Variants in ARNT2 observed in about 807,000 individuals in gnomAD.
The protein encoded by ARNT2 is aryl hydrocarbon receptor nuclear translocator 2.
Under a neutral mutation model 91.7 loss-of-function variants are expected in ARNT2, and 36 were observed. The observed-to-expected ratio is 0.39, with a 90% CI of 0.30 to 0.52. The LOEUF is 0.52. ARNT2 is among the 20% of genes least tolerant of loss of function. The pLI, the probability that ARNT2 is intolerant of heterozygous loss-of-function variation, is 0.72. For missense variants in ARNT2, 775 were observed against 939.3 expected (o/e 0.83, Z 2.29); for synonymous variants, 365 against 347.1 (o/e 1.05, Z -0.57).
In ARNT2 at chr15:80,597,428, C is replaced by G; in HGVS notation, c.*3730C>G. On this transcript the variant is annotated 3_prime_UTR_variant, in exon 19 of 19. Coordinates refer to ENST00000303329, the MANE Select transcript of ARNT2 (RefSeq NM_014862.4). Reference sequence around the variant, plus strand: ...GTCTCCTAACCTGCCGGGGTCATTCCCCACCAAACACCCCATACTAAGGAG... The same window carrying G: ...GTCTCCTAACCTGCCGGGGTCATTCGCCACCAAACACCCCATACTAAGGAG... The G allele has an allele frequency of 2.7e-6, 1 of 369,820 alleles. No individual in the cohort carries two copies. The highest frequency in any genetic ancestry group is 5.4e-6 in the Non-Finnish European group (1 of 184,880). 22.9% of individuals were successfully genotyped at this position (369,820 alleles called of 1,614,324 possible). A position where few individuals can be genotyped will look rare whatever the true frequency, so the allele number is the denominator to read the frequency against.
intron 1 of ARNT2, among the ~76,000 whole-genome samples, chr15:80,429,395 G>C (rs1046987638): frequency 6.6e-6 from 1 of 152,228 alleles, no homozygotes; most frequent in African/African-American, 2.4e-5. Flanking sequence ...TAAATGTTGG[G>C]ATTTAGGGAA....
chr15:80,541,903 A>C (rs967795190), intron 8 of ARNT2, among the ~76,000 whole-genome samples: 18 of 152,268 alleles, frequency 1.2e-4, no homozygotes, highest in African/African-American at 4.1e-4. Context: ...GCAGTCATCC[A>C]TCAAGACCCT....
chr15:80,412,894 C>G (rs1180474678), intron 1 of ARNT2, among the ~76,000 whole-genome samples: 2 of 152,258 alleles, frequency 1.3e-5, no homozygotes, highest in East Asian at 3.9e-4. Flanking sequence ...ATCTGGAGTC[C>G]CCAGCAGGTA....
chr15:80,422,586 G>A (rs999847296), intron 1 of ARNT2, among the ~76,000 whole-genome samples: 2 of 152,274 alleles, frequency 1.3e-5, no homozygotes, highest in African/African-American at 2.4e-5. Flanking sequence ...GTAAGTGACC[G>A]CAAATGGAAG....
At chr15:80,527,666 A>C (rs1276763429) in intron 8 of ARNT2, among the ~76,000 whole-genome samples, 1 of 152,260 alleles carries the variant, frequency 6.6e-6, no homozygotes, top group East Asian at 1.9e-4. Context: ...CTAATGAGGT[A>C]CAGTCACTCT....
chr15:80,422,365 T>C (rs992679721), intron 1 of ARNT2, among the ~76,000 whole-genome samples: 16 of 152,224 alleles, frequency 1.1e-4, no homozygotes, highest in African/African-American at 3.4e-4. Context: ...AGCAATTAGA[T>C]TGATGAATGA....
intron 8 of ARNT2, among the ~76,000 whole-genome samples, chr15:80,544,784 T>C (rs1356507913): frequency 6.6e-6 from 1 of 152,220 alleles, no homozygotes; most frequent in Non-Finnish European, 1.5e-5. Context: ...AGAGGCAAAC[T>C]ATTTTTGTAG....
intron 3 of ARNT2, among the ~76,000 whole-genome samples, chr15:80,464,463 G>A (rs539372767): frequency 6.6e-6 from 1 of 152,300 alleles, no homozygotes; most frequent in Admixed American, 6.5e-5. Context: ...CCCTGCTTGG[G>A]AGGATCTGGG....
chr15:80,555,098 C>A lies in ARNT2; in HGVS notation c.1123C>A (p.His375Asn). 1 of 1,614,180 alleles carries A rather than the reference C, an allele frequency of 6.2e-7. No homozygotes were observed. Among genetic ancestry groups the A allele is most frequent in the Non-Finnish European group, 8.5e-7 (1 of 1,180,024 alleles). ...GGGAAAGGACATTTTGGAATTCTGC[C>A]ACCCTGAGGATCAAAGCCATCTGCG... Reference protein sequence around the residue: ...LLGKDILEFCHPEDQSHLRES... With the variant: ...LLGKDILEFCNPEDQSHLRES... Residue 375 changes from histidine to asparagine, a missense_variant, in exon 11 of 19, where the codon CAC (histidine) becomes AAC (asparagine). Physicochemically the swap from His to Asn is moderately conservative, Grantham distance 68. Transcript: ENST00000303329.
chr15:80,530,275 C>T lies in ARNT2; in HGVS notation c.877+15870C>T, dbSNP rs1044613468. ...GCTGACCAAGGTTCACTTGTCTGTA[C>T]ATGAGGACCAAGGCTGACGGTGGGA... On this transcript the variant is annotated intron_variant, in intron 8 of 18. Coordinates refer to ENST00000303329, the MANE Select transcript of ARNT2 (RefSeq NM_014862.4). Among the ~76,000 whole-genome samples, 3 of 152,194 alleles carry T rather than the reference C, an allele frequency of 2.0e-5. No homozygotes were observed. In the East Asian group the frequency reaches 5.8e-4, roughly 29 times the overall value.
At chr15:80,499,620 G>C (rs780139958) in intron 5 of ARNT2, among the ~76,000 whole-genome samples, 2 of 152,188 alleles carry the variant, frequency 1.3e-5, no homozygotes, top group Non-Finnish European at 2.9e-5. Context: ...AGAGAAAAGA[G>C]GGGGAAAGGT....
intron 5 of ARNT2, 64 bp from the exon 6 acceptor site, chr15:80,508,092 A>T (rs1464789869): frequency 1.3e-6 from 2 of 1,521,102 alleles, no homozygotes; most frequent in Non-Finnish European, 9.1e-7. Context: ...CACTCCCCGA[A>T]CTCCCTCCTC....
intron 8 of ARNT2, among the ~76,000 whole-genome samples, chr15:80,538,907 G>A (rs1024919862): frequency 1.3e-5 from 2 of 151,970 alleles, no homozygotes; most frequent in African/African-American, 4.8e-5. Context: ...AAGTTTAAAA[G>A]TTTATGAACA....
At chr15:80,576,561 G>A (rs1898678466) in intron 14 of ARNT2, among the ~76,000 whole-genome samples, 1 of 152,202 alleles carries the variant, frequency 6.6e-6, no homozygotes, top group South Asian at 2.1e-4. Context: ...ACAGGTGCAA[G>A]CCACCATGCC....
Position 80,482,340 on chromosome 15 carries a change from G to A in ARNT2, c.622+7117G>A, listed in dbSNP as rs188313057. Among the ~76,000 whole-genome samples, 7 of 152,284 alleles carry A rather than the reference G, an allele frequency of 4.6e-5. No individual in the cohort carries two copies. The East Asian group carries it at 5.8e-4, about 13-fold the overall frequency. Reference sequence around the variant, plus strand: ...TTGGGGAAGGGAGCTGGGCACTGGCGTTTTGTTAAACCTTCCCAGGTGATT... The same window carrying A: ...TTGGGGAAGGGAGCTGGGCACTGGCATTTTGTTAAACCTTCCCAGGTGATT... On this transcript the variant is annotated intron_variant, in intron 5 of 18. Transcript: ENST00000303329.
chr15:80,529,601 G>A (rs1458435741), intron 8 of ARNT2, among the ~76,000 whole-genome samples: 1 of 150,920 alleles, frequency 6.6e-6, no homozygotes, highest in African/African-American at 2.4e-5. Flanking sequence ...GTATAGGTCA[G>A]TTTTCCTTCA....
At chr15:80,558,369 C>T (rs1290922101) in intron 11 of ARNT2, among the ~76,000 whole-genome samples, 1 of 127,286 alleles carries the variant, frequency 7.9e-6, no homozygotes, top group Non-Finnish European at 1.6e-5. Context: ...CGGGGTCTTA[C>T]TCTGTTGCCC....
intron 1 of ARNT2, among the ~76,000 whole-genome samples, chr15:80,449,865 T>C (rs144451508): frequency 6.6e-6 from 1 of 152,348 alleles, no homozygotes; most frequent in African/African-American, 2.4e-5. Context: ...ATTCCTTATG[T>C]ATCCTGACCC....
chr15:80,551,126 A>G, intron 8 of ARNT2, 73 bp from the exon 9 acceptor site: 1 of 1,460,676 alleles, frequency 6.8e-7, no homozygotes, highest in Non-Finnish European at 9.5e-7. Context: ...GCTTAAATAA[A>G]ATCGTGGACA....
Sources: gnomAD v4.1 joint callset for allele counts (sites outside exome capture counted in the v4.1 genomes callset) on GRCh38, gnomAD v4.1.1 for gene constraint, MANE v1.5 for transcripts, NCBI Gene and HGNC (gene_info 2026-07-23, HGNC 2026-07-21) for gene names.